Variants in SEZ6L observed in about 807,000 individuals in gnomAD.
The protein encoded by SEZ6L is seizure 6-like protein.
SEZ6L carries 37 observed loss-of-function variants against 106.2 expected under a neutral mutation model. The ratio of observed to expected loss-of-function variants is 0.35; its 90% CI spans 0.27 to 0.46. The LOEUF (loss-of-function observed/expected upper bound fraction) is 0.46. Among genes scored for constraint, SEZ6L ranks in the 20% least tolerant of loss-of-function variants. The probability of loss-of-function intolerance (pLI) is 1.00; values close to 1 mark genes in which losing one functional copy is unlikely to be tolerated. For missense variants in SEZ6L, 1,172 were observed against 1,332.8 expected, an observed-to-expected ratio of 0.88 and a Z score of 1.88; for synonymous variants, 541 against 570.4, an observed-to-expected ratio of 0.95 and a Z score of 0.73.
Position 26,351,236 on chromosome 22 carries a change from C to A in SEZ6L, c.2592C>A (p.His864Gln). ...CCATCTGGACGTCTCGCCTGCCCCA[C>A]TGCGTTTGTGAGTCCTGTTTAATGA... ...GTPIWTSRLP[H>Q]CVSEESLACD... The change falls in exon 12 of 17, where the codon CAC becomes CAA. Residue 864 changes from histidine to glutamine, a missense_variant. Physicochemically the swap from His to Gln is conservative, Grantham distance 24. Coordinates refer to ENST00000248933, the MANE Select transcript of SEZ6L (RefSeq NM_021115.5). 1 of 1,613,794 alleles carries A rather than the reference C, an allele frequency of 6.2e-7. No individual in the cohort carries two copies.
At chr22:26,316,586 C>A (rs908794151) in intron 9 of SEZ6L, among the ~76,000 whole-genome samples, 1 of 152,082 alleles carries the variant, frequency 6.6e-6, no homozygotes, top group Non-Finnish European at 1.5e-5. Flanking sequence ...AATCCCAGCA[C>A]TTTGGGAGGC....
At chr22:26,318,022 C>T (rs2082053004) in intron 9 of SEZ6L, among the ~76,000 whole-genome samples, 1 of 151,950 alleles carries the variant, frequency 6.6e-6, no homozygotes, top group Non-Finnish European at 1.5e-5. Context: ...TTAGGAAGTA[C>T]ATACCCTATC....
intron 5 of SEZ6L, among the ~76,000 whole-genome samples, chr22:26,302,691 T>C (rs62225707): frequency 6.6e-6 from 1 of 152,200 alleles, no homozygotes; most frequent in Non-Finnish European, 1.5e-5. Flanking sequence ...GGGCAGTTGG[T>C]CTTCACGCCT....
chr22:26,223,231 G>A (rs1031995757), intron 1 of SEZ6L, among the ~76,000 whole-genome samples: 9 of 152,094 alleles, frequency 5.9e-5, no homozygotes, highest in Non-Finnish European at 1.2e-4. Flanking sequence ...ACAGAAAATA[G>A]GTTCTATGTG....
intron 1 of SEZ6L, among the ~76,000 whole-genome samples, chr22:26,208,040 G>C (rs191442186): frequency 9.7e-4 from 147 of 151,902 alleles, no homozygotes; most frequent in African/African-American, 3.4e-3. Flanking sequence ...CTCTCGTGTA[G>C]CTGGGACTAC....
chr22:26,325,482 A>C (rs1215260153), intron 9 of SEZ6L, among the ~76,000 whole-genome samples: 2 of 152,236 alleles, frequency 1.3e-5, no homozygotes, highest in African/African-American at 4.8e-5. Flanking sequence ...TAGGAAGAAT[A>C]AGAGACAAGA....
chr22:26,296,161 C>T (rs577381822), intron 3 of SEZ6L, among the ~76,000 whole-genome samples: 7 of 152,250 alleles, frequency 4.6e-5, no homozygotes, highest in South Asian at 4.2e-4. Flanking sequence ...AGCCTCCCTG[C>T]GTACAACTAA....
chr22:26,298,935 A>G (rs754593981), intron 4 of SEZ6L, 49 bp from the exon 5 acceptor site: 2 of 1,494,640 alleles, frequency 1.3e-6, no homozygotes, highest in South Asian at 1.4e-5. Flanking sequence ...CAGGTTCTTG[A>G]TCTGCCACTC....
Position 26,380,519 on chromosome 22 carries a change from A to G in SEZ6L, c.*224A>G, listed in dbSNP as rs1601669731. 45 of 439,402 alleles carry G rather than the reference A, an allele frequency of 1.0e-4. No homozygotes were observed. In the East Asian group the frequency reaches 1.4e-3, roughly 14 times the overall value. The allele number at this position is 439,402 out of a possible 1,614,324, so 27.2% of individuals were successfully genotyped here. On this transcript the variant is annotated 3_prime_UTR_variant, in exon 17 of 17. Coordinates refer to ENST00000248933, the MANE Select transcript of SEZ6L (RefSeq NM_021115.5). ...GCGGCCTCAGCCAAATTCATGTTAC[A>G]GCCTCAATTCTGAAGGCAGGTGGAA...
At chr22:26,201,384 A>AG (rs1369277359) in intron 1 of SEZ6L, among the ~76,000 whole-genome samples, 2 of 139,776 alleles carry the variant, frequency 1.4e-5, no homozygotes, top group Non-Finnish European at 3.1e-5. Context: ...CAAAAATACA[A>AG]AAAAAAAAAA....
intron 1 of SEZ6L, among the ~76,000 whole-genome samples, chr22:26,202,670 G>T (rs1396278143): frequency 2.0e-5 from 3 of 152,138 alleles, no homozygotes. Context: ...GAGGTTAGTG[G>T]CAGAGGGGAG....
chr22:26,258,332 G>T (rs959211784), intron 1 of SEZ6L, among the ~76,000 whole-genome samples: 1 of 152,202 alleles, frequency 6.6e-6, no homozygotes, highest in African/African-American at 2.4e-5. Context: ...CATGTGAATG[G>T]TTACAGGACA....
chr22:26,353,194 A>C lies in SEZ6L; in HGVS notation c.2599+1951A>C, dbSNP rs891139687. The stretch of plus-strand genomic sequence containing the variant: ...CTGAAGGGAATCTGAGAGATAAAAT[A>C]CAACTGCAGGATGACTTAGAGATAA... On this transcript the variant is annotated intron_variant, in intron 12 of 16. Transcript: ENST00000248933. Among the ~76,000 whole-genome samples, 8 of 152,368 alleles carry C rather than the reference A, an allele frequency of 5.3e-5. No individual in the cohort carries two copies. In the South Asian group the frequency reaches 1.2e-3, roughly 24 times the overall value.
intron 1 of SEZ6L, among the ~76,000 whole-genome samples, chr22:26,174,633 T>G (rs759324616): frequency 3.3e-5 from 5 of 152,164 alleles, no homozygotes; most frequent in Non-Finnish European, 7.3e-5. Flanking sequence ...TAAACACTGC[T>G]TTAGTGGATT....
At chr22:26,300,424 G>A (rs1349712284) in intron 5 of SEZ6L, among the ~76,000 whole-genome samples, 2 of 152,064 alleles carry the variant, frequency 1.3e-5, no homozygotes, top group East Asian at 1.9e-4. Flanking sequence ...TTGTCCTTGC[G>A]ACAGTTTGCT....
At chr22:26,249,423 T>C (rs2079489961) in intron 1 of SEZ6L, among the ~76,000 whole-genome samples, 1 of 152,210 alleles carries the variant, frequency 6.6e-6, no homozygotes, top group South Asian at 2.1e-4. Context: ...GTGGTATTTA[T>C]CTTTCTGTGC....
At chr22:26,263,710 T>C (rs562434518) in intron 1 of SEZ6L, among the ~76,000 whole-genome samples, 15 of 152,328 alleles carry the variant, frequency 9.8e-5, no homozygotes, top group Admixed American at 9.1e-4. Flanking sequence ...AAGCTGGTCC[T>C]TACTCAGCAT....
chr22:26,272,156 G>A (rs2080389227), intron 1 of SEZ6L, among the ~76,000 whole-genome samples: 1 of 152,172 alleles, frequency 6.6e-6, no homozygotes, highest in South Asian at 2.1e-4. Flanking sequence ...CAAAATACAG[G>A]TTACCCTTGA....
chr22:26,203,982 G>C (rs889600580), intron 1 of SEZ6L, among the ~76,000 whole-genome samples: 1 of 152,142 alleles, frequency 6.6e-6, no homozygotes, highest in African/African-American at 2.4e-5. Flanking sequence ...GGCTTTGAAT[G>C]GGGGAGAAAG....
Sources: allele counts gnomAD v4.1 joint callset (sites outside exome capture counted in the v4.1 genomes callset), GRCh38; gene constraint gnomAD v4.1.1; transcripts MANE v1.5; gene names NCBI Gene and HGNC (gene_info 2026-07-23, HGNC 2026-07-21).